The following ROBO1 variants were observed in gnomAD, a reference collection of about 807,000 sequenced individuals.
ROBO1 encodes roundabout guidance receptor 1.
ROBO1 carries 149 observed loss-of-function variants against 195.9 expected under a neutral mutation model. The observed-to-expected ratio is 0.76, with a 90% confidence interval of 0.67 to 0.87. ROBO1 has a LOEUF of 0.87. ROBO1 is among the 40% of genes least tolerant of loss of function. The pLI is 0.00. For synonymous variants in ROBO1, 816 were observed against 733.2 expected, an observed-to-expected ratio of 1.11 and a Z score of -1.82; for missense variants, 1,933 against 2,068.3, an observed-to-expected ratio of 0.93 and a Z score of 1.27.
At chr3:79,393,391 T>C (rs1007765029) in intron 2 of ROBO1, among the ~76,000 whole-genome samples, 3 of 152,208 alleles carry the variant, frequency 2.0e-5, no homozygotes, top group Non-Finnish European at 4.4e-5. Flanking sequence ...CTCTTCATGG[T>C]TGAGAAATAG....
intron 1 of ROBO1, among the ~76,000 whole-genome samples, chr3:79,761,387 A>G (rs189568232): frequency 7.2e-4 from 109 of 152,136 alleles, no homozygotes; most frequent in African/African-American, 2.5e-3. Flanking sequence ...TAGAAATAAT[A>G]ACAGCAAATT....
At chr3:78,862,510 T>C (rs1413237901) in intron 4 of ROBO1, among the ~76,000 whole-genome samples, 1 of 152,172 alleles carries the variant, frequency 6.6e-6, no homozygotes, top group Non-Finnish European at 1.5e-5. Context: ...TTGTAAGATA[T>C]TAAGTTTGTG....
At chr3:78,870,944 TGCTTCATAAAATTATTTTAAAGG>T (rs1451788540) in intron 4 of ROBO1, among the ~76,000 whole-genome samples, 1 of 152,176 alleles carries the variant, frequency 6.6e-6, no homozygotes, top group African/African-American at 2.4e-5. Context: ...TAACCACACA[TGCTTCATAAAATTATTTTAAAGG>T]GCAAGTAATA....
intron 2 of ROBO1, among the ~76,000 whole-genome samples, chr3:79,162,679 A>C (rs758927031): frequency 6.6e-6 from 1 of 152,194 alleles, no homozygotes; most frequent in Non-Finnish European, 1.5e-5. Context: ...CACCAACATA[A>C]TACTTTATGC....
chr3:78,713,990 G>C (rs150975572), intron 8 of ROBO1, among the ~76,000 whole-genome samples: 1 of 152,160 alleles, frequency 6.6e-6, no homozygotes, highest in African/African-American at 2.4e-5. Flanking sequence ...CCTGAAAGTG[G>C]ATGATCTTGA....
At chr3:79,739,944 C>G (rs183850751) in intron 1 of ROBO1, among the ~76,000 whole-genome samples, 1 of 152,102 alleles carries the variant, frequency 6.6e-6, no homozygotes, top group Non-Finnish European at 1.5e-5. Context: ...TAGAAATAAA[C>G]TGATGCAGTT....
At chr3:78,857,702 C>T (rs1194325760) in intron 4 of ROBO1, among the ~76,000 whole-genome samples, 1 of 152,154 alleles carries the variant, frequency 6.6e-6, no homozygotes, top group Non-Finnish European at 1.5e-5. Context: ...CCAGGTGACG[C>T]TGGTGCACAG....
chr3:79,414,621 TCA>T (rs1337442881), intron 2 of ROBO1, among the ~76,000 whole-genome samples: 1 of 152,094 alleles, frequency 6.6e-6, no homozygotes, highest in Non-Finnish European at 1.5e-5. Flanking sequence ...ATCATAATCA[TCA>T]AATAAAAGCA....
At chr3:79,109,611 C>G (rs1009787633) in intron 3 of ROBO1, among the ~76,000 whole-genome samples, 1 of 152,052 alleles carries the variant, frequency 6.6e-6, no homozygotes, top group Non-Finnish European at 1.5e-5. Context: ...GCATGGTTCT[C>G]TTATATCATC....
intron 25 of ROBO1, among the ~76,000 whole-genome samples, chr3:78,630,864 A>AG: frequency 6.6e-6 from 1 of 152,192 alleles, no homozygotes; most frequent in Non-Finnish European, 1.5e-5. Context: ...AAATCACAAA[A>AG]TTATATATCC....
intron 2 of ROBO1, among the ~76,000 whole-genome samples, chr3:79,495,126 T>G (rs1439539688): frequency 6.6e-6 from 1 of 152,198 alleles, no homozygotes; most frequent in Non-Finnish European, 1.5e-5. Context: ...CTCTAGATAC[T>G]ATATTTAGTA....
intron 4 of ROBO1, among the ~76,000 whole-genome samples, chr3:78,766,317 T>C (rs1345201375): frequency 1.3e-5 from 2 of 152,128 alleles, no homozygotes; most frequent in Admixed American, 6.6e-5. Context: ...CAATTCTTCC[T>C]AGAAGAATAT....
At chr3:79,093,850 A>G (rs898536446) in intron 3 of ROBO1, among the ~76,000 whole-genome samples, 9 of 152,084 alleles carry the variant, frequency 5.9e-5, no homozygotes, top group Non-Finnish European at 1.3e-4. Context: ...AGTGGACAGA[A>G]AAGAACAAAG....
At chr3:79,225,752 T>C (rs892016375) in intron 2 of ROBO1, among the ~76,000 whole-genome samples, 2 of 152,180 alleles carry the variant, frequency 1.3e-5, no homozygotes, top group Non-Finnish European at 2.9e-5. Context: ...CCCCTTCTTC[T>C]AATATAACAT....
chr3:79,229,876 T>C (rs2082290958), intron 2 of ROBO1, among the ~76,000 whole-genome samples: 1 of 152,310 alleles, frequency 6.6e-6, no homozygotes, highest in Non-Finnish European at 1.5e-5. Context: ...TTCTTATCAA[T>C]GATCTTTCTC....
At chr3:79,693,690 G>C (rs745807629) in intron 1 of ROBO1, among the ~76,000 whole-genome samples, 1 of 151,508 alleles carries the variant, frequency 6.6e-6, no homozygotes, top group Admixed American at 6.6e-5. Flanking sequence ...TTCCCCCTTC[G>C]ACCTTCCAAA....
chr3:79,766,034 G>A (rs1023051634), intron 1 of ROBO1, among the ~76,000 whole-genome samples: 1 of 152,048 alleles, frequency 6.6e-6, no homozygotes, highest in Non-Finnish European at 1.5e-5. Context: ...AAGGGTGGGA[G>A]GTGCTGAGGT....
At chr3:78,974,924 G>C (rs1166105271) in intron 3 of ROBO1, among the ~76,000 whole-genome samples, 2 of 152,006 alleles carry the variant, frequency 1.3e-5, no homozygotes, top group Non-Finnish European at 2.9e-5. Flanking sequence ...TTCTATATTA[G>C]ATTACATTTA....
At chr3:79,404,627 T>A (rs1311552213) in intron 2 of ROBO1, among the ~76,000 whole-genome samples, 2 of 152,126 alleles carry the variant, frequency 1.3e-5, no homozygotes, top group Non-Finnish European at 1.5e-5. Context: ...GCCACTCATG[T>A]TCTGCCATCA....
Sources: gnomAD v4.1 joint callset for allele counts (sites outside exome capture counted in the v4.1 genomes callset) on GRCh38, gnomAD v4.1.1 for gene constraint, MANE v1.5 for transcripts, NCBI Gene and HGNC (gene_info 2026-07-23, HGNC 2026-07-21) for gene names.